The following ZNF729 variants were observed in gnomAD, a reference collection of about 807,000 sequenced individuals.
The protein encoded by ZNF729 is zinc finger protein 729.
Under a neutral mutation model 12.2 loss-of-function variants are expected in ZNF729, and 15 were observed. That is an observed-to-expected ratio of 1.23 (90% CI 0.82 to 1.89). The LOEUF is 1.89. Ranked by LOEUF, ZNF729 falls within the 40% of genes most tolerant of loss-of-function variation. The pLI, the probability that ZNF729 is intolerant of heterozygous loss-of-function variation, is 0.00. For synonymous variants in ZNF729, 492 were observed against 476.3 expected (o/e 1.03, Z -0.43); for missense variants, 1,540 against 1,456.7 (o/e 1.06, Z -0.93).
At chr19:22,298,299 T>C (rs1289764380) in intron 1 of ZNF729, among the ~76,000 whole-genome samples, 1 of 151,560 alleles carries the variant, frequency 6.6e-6, no homozygotes, top group Non-Finnish European at 1.5e-5. Context: ...ATATAAAGTA[T>C]ATATACATAT....
At chr19:22,309,138 GCACCATTTGTTGAAAAGAGTATC>G (rs1452947930) in intron 3 of ZNF729, among the ~76,000 whole-genome samples, 1 of 152,116 alleles carries the variant, frequency 6.6e-6, no homozygotes, top group African/African-American at 2.4e-5. Flanking sequence ...AATTATCCCA[GCACCATTTGTTGAAAAGAGTATC>G]CCTGGCCGGG....
chr19:22,300,070 G>A (rs1198524990), intron 1 of ZNF729, among the ~76,000 whole-genome samples: 1 of 152,204 alleles, frequency 6.6e-6, no homozygotes, highest in African/African-American at 2.4e-5. Flanking sequence ...TAGCCAAAAA[G>A]ATAGCACTCT....
intron 1 of ZNF729, among the ~76,000 whole-genome samples, chr19:22,291,832 C>T (rs947195934): frequency 2.4e-4 from 36 of 152,330 alleles, no homozygotes; most frequent in African/African-American, 8.2e-4. Context: ...CTTCTGGTTT[C>T]AAGCAATTCT....
Position 22,313,928 on chromosome 19 carries a change from A to G in ZNF729, c.511A>G (p.Lys171Glu). The G allele has an allele frequency of 6.6e-7, 1 of 1,523,682 alleles. No homozygotes were observed. The highest frequency in any genetic ancestry group is 8.8e-7 in the Non-Finnish European group (1 of 1,139,188). 94.4% of individuals were successfully genotyped at this position (1,523,682 alleles called of 1,614,324 possible). Reference sequence around the variant, plus strand: ...CTTTCATAAATATTCAAATAGAAATAAGGTTAGACACACTAAAAAGAAAAC... The same window carrying G: ...CTTTCATAAATATTCAAATAGAAATGAGGTTAGACACACTAAAAAGAAAAC... ...KVFHKYSNRN[K>E]VRHTKKKTFK... The change falls in exon 4 of 4, where the codon AAG (lysine) becomes GAG (glutamate). Residue 171 changes from lysine (K) to glutamate (E), a missense_variant. Physicochemically the swap from Lys to Glu is moderately conservative, Grantham distance 56. Coordinates refer to ENST00000601693, the MANE Select transcript of ZNF729 (RefSeq NM_001242680.2).
intron 1 of ZNF729, among the ~76,000 whole-genome samples, chr19:22,291,324 T>G (rs773956309): frequency 1.3e-5 from 2 of 152,034 alleles, no homozygotes; most frequent in Admixed American, 6.6e-5. Flanking sequence ...AAACTTAGAG[T>G]AAAAAAGTTC....
chr19:22,312,755 C>T (rs2145056926), intron 3 of ZNF729, among the ~76,000 whole-genome samples: 1 of 152,060 alleles, frequency 6.6e-6, no homozygotes, highest in Non-Finnish European at 1.5e-5. Flanking sequence ...CTCTTTTTGC[C>T]CAGGCTGGAG....
At chr19:22,294,657 C>CTTTTTTTTTTTTT (rs71180535) in intron 1 of ZNF729, among the ~76,000 whole-genome samples, 28 of 92,420 alleles carry the variant, frequency 3.0e-4, no homozygotes, top group Non-Finnish European at 5.0e-4. Context: ...TTTTCTTTTT[C>CTTTTTTTTTTTTT]TTTTTTTTTT....
rs578220425 is a variant in ZNF729, at chr19:22,316,399, C to G, written c.2982C>G (p.Cys994Trp). ...ATACTGGGGAGAAACCCTACAAATG[C>G]GAAGAATGTGGCAAAGATTTTAACA... Reference protein sequence around the residue: ...AIHTGEKPYKCEECGKDFNNS... With the variant: ...AIHTGEKPYKWEECGKDFNNS... The change falls in exon 4 of 4, where the codon TGC becomes TGG. Residue 994 changes from cysteine (C) to tryptophan (W), a missense_variant. By Grantham distance (215) the Cys-to-Trp change is radical (BLOSUM62 -2). Coordinates refer to ENST00000601693, the MANE Select transcript of ZNF729 (RefSeq NM_001242680.2). The G allele has an allele frequency of 1.9e-6, 3 of 1,606,484 alleles. No individual in the cohort carries two copies. The highest frequency in any genetic ancestry group is 8.5e-7 in the Non-Finnish European group (1 of 1,176,990).
chr19:22,291,949 G>A (rs1226329202), intron 1 of ZNF729, among the ~76,000 whole-genome samples: 1 of 152,122 alleles, frequency 6.6e-6, no homozygotes, highest in East Asian at 1.9e-4. Context: ...GGCCAGGATG[G>A]TCTCAAACTC....
At chr19:22,294,789 T>C (rs1271663200) in intron 1 of ZNF729, among the ~76,000 whole-genome samples, 2 of 151,722 alleles carry the variant, frequency 1.3e-5, no homozygotes, top group Admixed American at 6.6e-5. Flanking sequence ...CCTGAATAGC[T>C]GGGATTACAG....
chr19:22,305,748 A>G (rs923260815), intron 3 of ZNF729, among the ~76,000 whole-genome samples: 4 of 152,088 alleles, frequency 2.6e-5, no homozygotes, highest in Admixed American at 6.6e-5. Flanking sequence ...GTAGGAACAT[A>G]TTGCATGCTT....
rs2145059464 is a variant in ZNF729, at chr19:22,315,078, A to C, written c.1661A>C (p.Lys554Thr). The change falls in exon 4 of 4, where the codon AAG becomes ACG. Residue 554 changes from lysine (K) to threonine (T), a missense_variant. Transcript: ENST00000601693. ...YKCEECGKAF[K>T]WSSKLTVHKV... is the part of the protein sequence containing the mutation. ...TGTGAAGAATGTGGTAAAGCTTTTAAGTGGTCATCAAAACTTACTGTACAT... is the reference window on the plus strand; with the variant it reads ...TGTGAAGAATGTGGTAAAGCTTTTACGTGGTCATCAAAACTTACTGTACAT... 6.2e-7 allele frequency: 1 copy of C among 1,610,526 alleles called. No individual in the cohort carries two copies. The highest frequency in any genetic ancestry group is 1.3e-5 in the African/African-American group (1 of 74,840).
intron 1 of ZNF729, among the ~76,000 whole-genome samples, chr19:22,297,768 C>A (rs990520431): frequency 2.2e-4 from 34 of 151,918 alleles, no homozygotes; most frequent in African/African-American, 7.7e-4. Context: ...CTTTGGGAGG[C>A]CGAGGCGGGC....
Position 22,315,188 on chromosome 19 carries a change from A to G in ZNF729, c.1771A>G (p.Lys591Glu). 1.2e-6 allele frequency: 2 copies of G among 1,611,942 alleles called. No individual in the cohort carries two copies. The highest frequency in any genetic ancestry group is 1.7e-6 in the Non-Finnish European group (2 of 1,179,472). The part of the protein sequence containing the change: ...FKHFSALRKH[K>E]VIHTREKLYK... ...GCATTTCTCAGCCCTCAGAAAACATAAGGTAATTCATACTAGGGAGAAATT... is the reference window on the plus strand; with the variant it reads ...GCATTTCTCAGCCCTCAGAAAACATGAGGTAATTCATACTAGGGAGAAATT... The change falls in exon 4 of 4, where the codon AAG becomes GAG. Residue 591 changes from lysine to glutamate, a missense_variant. Lys to Glu is a moderately conservative substitution (Grantham distance 56). Coordinates refer to ENST00000601693, the MANE Select transcript of ZNF729 (RefSeq NM_001242680.2).
At position 22,303,822 on chromosome 19, in the gene ZNF729, C is replaced by A; in HGVS notation, c.95C>A (p.Thr32Lys). Residue 32 changes from threonine to lysine, a missense_variant, in exon 2 of 4, where the codon ACG becomes AAG. Transcript: ENST00000601693. ...FSLEEWQCLD[T>K]VQQNLYRDVM... ...CTGGAGGAGTGGCAATGCCTGGACA[C>A]GGTTCAGCAGAATTTATATAGGGAT... 6.3e-7 allele frequency: 1 copy of A among 1,575,614 alleles called. No homozygotes were observed. The highest frequency in any genetic ancestry group is 8.7e-7 in the Non-Finnish European group (1 of 1,155,990).
At position 22,313,955 on chromosome 19, in the gene ZNF729, T is replaced by C. The variant is rs1968484159; in HGVS notation, c.538T>C (p.Phe180Leu). 1 of 1,537,304 alleles carries C rather than the reference T, an allele frequency of 6.5e-7. No homozygotes were observed. Among genetic ancestry groups the C allele is most frequent in the East Asian group, 2.4e-5 (1 of 40,824 alleles). The change falls in exon 4 of 4, where the codon TTC (phenylalanine) becomes CTC (leucine). Residue 180 changes from phenylalanine to leucine, a missense_variant. Coordinates refer to ENST00000601693, the MANE Select transcript of ZNF729 (RefSeq NM_001242680.2). ...GGTTAGACACACTAAAAAGAAAACTTTCAAATGTATAAAATGTAGCAAATC... is the reference window on the plus strand; with the variant it reads ...GGTTAGACACACTAAAAAGAAAACTCTCAAATGTATAAAATGTAGCAAATC... Reference protein sequence around the residue: ...NKVRHTKKKTFKCIKCSKSFF... With the variant: ...NKVRHTKKKTLKCIKCSKSFF...
rs191820372 is a variant in ZNF729 at position 22,286,441 on chromosome 19, G to T, written c.-85G>T. The stretch of plus-strand genomic sequence containing the variant: ...GGGGCCGTTGTTTCTGGTTGCAGCC[G>T]CAGTTCCCGGTCTCGCCTTCACTGC... On this transcript the variant is annotated 5_prime_UTR_variant, in exon 1 of 4. Transcript: ENST00000601693. The T allele has an allele frequency of 3.6e-5, 56 of 1,539,362 alleles. 1 individual carries two copies. In the Admixed American group the frequency reaches 9.1e-4, roughly 25 times the overall value.
chr19:22,316,535 A>G lies in ZNF729; in HGVS notation c.3118A>G (p.Ile1040Val), dbSNP rs543513852. The change falls in exon 4 of 4, where the codon ATA becomes GTA. Residue 1040 changes from isoleucine to valine, a missense_variant. Coordinates refer to ENST00000601693, the MANE Select transcript of ZNF729 (RefSeq NM_001242680.2). ...NNFSALMKHKIIHTGEKPYKC... is the reference protein window; with the variant it reads ...NNFSALMKHKVIHTGEKPYKC... The stretch of plus-strand genomic sequence containing the variant: ...TTTCTCAGCCCTTATGAAACATAAG[A>G]TAATTCATACTGGGGAGAAACCCTA... The G allele has an allele frequency of 2.5e-5, 40 of 1,613,560 alleles. No homozygotes were observed. Among genetic ancestry groups the G allele is most frequent in the Admixed American group, 2.3e-4 (14 of 59,972 alleles).
chr19:22,287,882 G>C (rs968016831), intron 1 of ZNF729, among the ~76,000 whole-genome samples: 1 of 137,434 alleles, frequency 7.3e-6, no homozygotes, highest in Admixed American at 8.0e-5. Context: ...GTCTCGCTCT[G>C]TTGCCCAACC....
Sources: gnomAD v4.1 joint callset for allele counts (sites outside exome capture counted in the v4.1 genomes callset) on GRCh38, gnomAD v4.1.1 for gene constraint, MANE v1.5 for transcripts, NCBI Gene and HGNC (gene_info 2026-07-23, HGNC 2026-07-21) for gene names.